The following SEC24B variants were observed in gnomAD, a reference collection of about 807,000 sequenced individuals.
The protein encoded by SEC24B is SEC24 homolog B, COPII component.
In SEC24B, 45 loss-of-function variants were observed where a neutral mutation model predicts 142.8. The observed-to-expected ratio is 0.32, with a 90% confidence interval of 0.25 to 0.40. The LOEUF (loss-of-function observed/expected upper bound fraction) is 0.40, where lower values mean the gene tolerates loss of function less well. SEC24B is among the 10% of genes least tolerant of loss of function. The pLI is 1.00. For missense variants in SEC24B, 1,409 were observed against 1,526.8 expected (o/e 0.92, Z 1.29); for synonymous variants, 574 against 568.2 (o/e 1.01, Z -0.15).
At chr4:109,466,458 TG>T (rs560261328) in intron 2 of SEC24B, among the ~76,000 whole-genome samples, 72 of 152,380 alleles carry the variant, frequency 4.7e-4, no homozygotes, top group African/African-American at 1.4e-3. Flanking sequence ...TCACCCAGGC[TG>T]GAGTGCAGTG....
chr4:109,508,403 A>C (rs1276647226), intron 7 of SEC24B, among the ~76,000 whole-genome samples: 1 of 151,784 alleles, frequency 6.6e-6, no homozygotes, highest in East Asian at 1.9e-4. Flanking sequence ...CTTCTCCTCC[A>C]AAAAAACAAA....
At chr4:109,447,530 T>G (rs1216694418) in intron 1 of SEC24B, among the ~76,000 whole-genome samples, 1 of 152,178 alleles carries the variant, frequency 6.6e-6, no homozygotes, top group East Asian at 1.9e-4. Context: ...AACAGTATTT[T>G]TTTCCCACCA....
chr4:109,485,755 T>C (rs1734289109), intron 4 of SEC24B, among the ~76,000 whole-genome samples: 1 of 152,228 alleles, frequency 6.6e-6, no homozygotes, highest in Admixed American at 6.5e-5. Flanking sequence ...GAAATTGGTG[T>C]GGGAATTACA....
chr4:109,538,950 A>T (rs1047965400), intron 23 of SEC24B, among the ~76,000 whole-genome samples: 1 of 150,392 alleles, frequency 6.6e-6, no homozygotes, highest in African/African-American at 2.4e-5. Flanking sequence ...ACACCTGGCT[A>T]ATTTTTAATT....
chr4:109,471,276 G>A (rs936749807), intron 2 of SEC24B, among the ~76,000 whole-genome samples: 1 of 152,022 alleles, frequency 6.6e-6, no homozygotes, highest in African/African-American at 2.4e-5. Context: ...ACCAGTGGCT[G>A]AGGACCACAG....
intron 3 of SEC24B, among the ~76,000 whole-genome samples, chr4:109,480,260 G>A (rs1242569930): frequency 1.3e-5 from 2 of 151,162 alleles, no homozygotes; most frequent in African/African-American, 2.4e-5. Flanking sequence ...TGCTAATCAA[G>A]TATGCTAGTC....
chr4:109,461,800 AAAAAT>A (rs2125929782), intron 1 of SEC24B, among the ~76,000 whole-genome samples: 1 of 152,276 alleles, frequency 6.6e-6, no homozygotes, highest in South Asian at 2.1e-4. Flanking sequence ...TCTAGTTAGG[AAAAAT>A]AAAAACTGAG....
chr4:109,446,745 T>G (rs1488854877), intron 1 of SEC24B, among the ~76,000 whole-genome samples: 1 of 152,260 alleles, frequency 6.6e-6, no homozygotes, highest in Non-Finnish European at 1.5e-5. Flanking sequence ...GTGAAAGCTT[T>G]TAAAGTTTCA....
intron 9 of SEC24B, among the ~76,000 whole-genome samples, chr4:109,513,531 C>A (rs141173926): frequency 6.6e-6 from 1 of 152,106 alleles, no homozygotes; most frequent in East Asian, 1.9e-4. Context: ...ATCCGCCCGC[C>A]GCGGCCGCCC....
chr4:109,518,426 T>C (rs1723214522), intron 11 of SEC24B, among the ~76,000 whole-genome samples: 1 of 152,190 alleles, frequency 6.6e-6, no homozygotes, highest in Non-Finnish European at 1.5e-5. Context: ...GGTGTGGGGC[T>C]TGTTATATAT....
chr4:109,496,351 G>T (rs891897975), intron 6 of SEC24B, among the ~76,000 whole-genome samples: 1 of 152,148 alleles, frequency 6.6e-6, no homozygotes, highest in African/African-American at 2.4e-5. Flanking sequence ...GACCTCAAGT[G>T]ATCCGCCTGC....
At chr4:109,440,801 A>G (rs1294614763) in intron 1 of SEC24B, among the ~76,000 whole-genome samples, 2 of 152,072 alleles carry the variant, frequency 1.3e-5, no homozygotes, top group Non-Finnish European at 2.9e-5. Context: ...TGTAATAGGC[A>G]CTCAGTTAAG....
chr4:109,531,308 T>G, intron 19 of SEC24B, 77 bp from the exon 20 acceptor site: 1 of 1,207,860 alleles, frequency 8.3e-7, no homozygotes, highest in Non-Finnish European at 1.2e-6. Flanking sequence ...TTTCCATGAT[T>G]GACAGTGTAT....
intron 5 of SEC24B, 144 bp downstream of exon 5, chr4:109,491,551 CAACTT>C: frequency 1.8e-6 from 1 of 568,306 alleles, no homozygotes; most frequent in Admixed American, 3.1e-5. Context: ...TTCTCAGCCT[CAACTT>C]AATAGCGTTG....
At chr4:109,525,010 T>C in intron 15 of SEC24B, 69 bp downstream of exon 15, 1 of 1,375,854 alleles carries the variant, frequency 7.3e-7, no homozygotes, top group Non-Finnish European at 1.0e-6. Context: ...ATCTAAACTC[T>C]TCAGTAAGCA....
chr4:109,483,654 C>A (rs1734053161), intron 4 of SEC24B, among the ~76,000 whole-genome samples: 1 of 152,044 alleles, frequency 6.6e-6, no homozygotes, highest in Non-Finnish European at 1.5e-5. Context: ...ATCATTTTAA[C>A]CAAAAATTTC....
chr4:109,454,654 G>A (rs773831119), intron 1 of SEC24B, among the ~76,000 whole-genome samples: 7 of 152,102 alleles, frequency 4.6e-5, no homozygotes, highest in Non-Finnish European at 8.8e-5. Flanking sequence ...TCTCAGTCCC[G>A]TTCTCCCCTG....
intron 6 of SEC24B, among the ~76,000 whole-genome samples, chr4:109,500,394 A>G (rs755640508): frequency 3.3e-5 from 5 of 151,862 alleles, no homozygotes; most frequent in Non-Finnish European, 7.4e-5. Flanking sequence ...AAATACAAAA[A>G]TTACCTGGGC....
At chr4:109,477,897 C>T (rs1339134089) in intron 3 of SEC24B, among the ~76,000 whole-genome samples, 1 of 152,110 alleles carries the variant, frequency 6.6e-6, no homozygotes, top group Non-Finnish European at 1.5e-5. Flanking sequence ...GCACATGTCA[C>T]ATTGACTGAA....
Sources: gnomAD v4.1 joint callset for allele counts (sites outside exome capture counted in the v4.1 genomes callset) on GRCh38, gnomAD v4.1.1 for gene constraint, MANE v1.5 for transcripts, NCBI Gene and HGNC (gene_info 2026-07-23, HGNC 2026-07-21) for gene names.